Variants in NDRG4 observed in about 807,000 individuals in gnomAD.
NDRG4 encodes the protein NDRG family member 4.
Under a neutral mutation model 55.8 loss-of-function variants are expected in NDRG4, and 38 were observed. The ratio of observed to expected loss-of-function variants is 0.68; its 90% CI spans 0.53 to 0.89. The LOEUF (loss-of-function observed/expected upper bound fraction) is 0.89, where lower values mean the gene tolerates loss of function less well. Ranked by LOEUF, NDRG4 falls within the 40% of genes least tolerant of loss-of-function variation. The probability of loss-of-function intolerance (pLI) is 0.00; values close to 1 mark genes in which losing one functional copy is unlikely to be tolerated. For missense variants in NDRG4, 455 were observed against 468.6 expected (o/e 0.97, Z 0.27); for synonymous variants, 190 against 182.7 (o/e 1.04, Z -0.32).
At chr16:58,484,441 A>G (rs1289427949) in intron 1 of NDRG4, among the ~76,000 whole-genome samples, 1 of 152,224 alleles carries the variant, frequency 6.6e-6, no homozygotes. Flanking sequence ...ACATGCTCTC[A>G]TATTGCAAAT....
At chr16:58,466,487 C>T (rs942822850) in intron 1 of NDRG4, among the ~76,000 whole-genome samples, 1 of 152,210 alleles carries the variant, frequency 6.6e-6, no homozygotes, top group African/African-American at 2.4e-5. Flanking sequence ...TCTCTCATCT[C>T]CTGGATAGAG....
Position 58,506,133 on chromosome 16 carries a change from C to CGTGTGTGTGTGTGTGTGTGT in NDRG4, c.373-249_373-230dup, listed in dbSNP as rs113481456. 9.3e-3 allele frequency: 5,017 copies of CGTGTGTGTGTGTGTGTGTGT among 538,942 alleles called. 99 individuals are homozygous for CGTGTGTGTGTGTGTGTGTGT. The highest frequency in any genetic ancestry group is 0.018 in the African/African-American group (820 of 44,972). The allele number at this position is 538,942 out of a possible 1,614,324, so 33.4% of individuals were successfully genotyped here. On this transcript the variant is annotated intron_variant, in intron 5 of 14. Coordinates refer to ENST00000570248, the MANE Select transcript of NDRG4 (RefSeq NM_001242835.2). Reference sequence around the variant, plus strand: ...TTAAGAGCTGATTCTGTTGAAAGAGCGTGTGTGTGTGTGTGTGTGTGTGTC... The same window carrying CGTGTGTGTGTGTGTGTGTGT: ...TTAAGAGCTGATTCTGTTGAAAGAGCGTGTGTGTGTGTGTGTGTGTGTGTGTGTGTGTGTGTGTGTGTGTC...
chr16:58,509,926 GTA>G (rs2038567964), intron 13 of NDRG4, among the ~76,000 whole-genome samples: 1 of 150,292 alleles, frequency 6.7e-6, no homozygotes, highest in Non-Finnish European at 1.5e-5. Flanking sequence ...GTGGAACCAG[GTA>G]CACACACACA....
Position 58,464,478 on chromosome 16 carries a change from C to T in NDRG4, c.-24+681C>T. On this transcript the variant is annotated intron_variant, in intron 1 of 15. Coordinates refer to the NDRG4 transcript ENST00000258187. This position sits in a 1 kb window ranked among gnomAD's most constrained non-coding sequence, Gnocchi z 4.8. ...TGGAGCTGCTCACAGGTACCGCCCGCCTGCCCCGCAGCCGGCCGCCACTTT... is the reference window on the plus strand; with the variant it reads ...TGGAGCTGCTCACAGGTACCGCCCGTCTGCCCCGCAGCCGGCCGCCACTTT... The T allele has an allele frequency of 7.6e-7, 1 of 1,316,486 alleles. No homozygotes were observed. The highest frequency in any genetic ancestry group is 9.7e-7 in the Non-Finnish European group (1 of 1,031,956). The allele number at this position is 1,316,486 out of a possible 1,614,324, so 81.6% of individuals were successfully genotyped here.
chr16:58,513,607 C>CCTTATGTGCTCATGTCTG (rs2039016566), exon 15 of NDRG4: 1 of 151,060 alleles, frequency 6.6e-6, no homozygotes. Context: ...ACATTAAAAG[C>CCTTATGTGCTCATGTCTG]CTTATGTGCT....
chr16:58,484,983 G>A lies in NDRG4; in HGVS notation c.-23-2773G>A, dbSNP rs564604123. Among the ~76,000 whole-genome samples, 131 of 149,468 alleles carry A rather than the reference G, an allele frequency of 8.8e-4. 2 individuals are homozygous for A. Among genetic ancestry groups the A allele is most frequent in the African/African-American group, 3.1e-3 (127 of 40,478 alleles). ...TGCAAGCTCTGCCTCCCAGGTTCAC[G>A]CCATTCTCCTGCCTCAGCCTCCCGA... On this transcript the variant is annotated intron_variant, in intron 1 of 15. Transcript: ENST00000258187.
At chr16:58,505,071 CATT>C (rs1404652460) in intron 5 of NDRG4, among the ~76,000 whole-genome samples, 2 of 152,124 alleles carry the variant, frequency 1.3e-5, no homozygotes, top group Non-Finnish European at 1.5e-5. Context: ...TCAAAAACAT[CATT>C]GTCGGTGGCT....
At chr16:58,500,645 T>C (rs373760936) in intron 1 of NDRG4, 2 of 479,220 alleles carry the variant, frequency 4.2e-6, no homozygotes, top group East Asian at 3.8e-5. Flanking sequence ...GGTGTGCGCT[T>C]GGATGGTGTC....
chr16:58,500,468 C>T, intron 1 of NDRG4, 199 bp downstream of exon 1: 1 of 672,620 alleles, frequency 1.5e-6, no homozygotes, highest in Non-Finnish European at 2.4e-6. Flanking sequence ...TGGCTGGGGG[C>T]AGCTGCTAGT....
intron 1 of NDRG4, 27 bp from the exon 2 acceptor site, chr16:58,503,771 G>C: frequency 7.4e-6 from 12 of 1,613,496 alleles, no homozygotes; most frequent in Non-Finnish European, 1.0e-5. Flanking sequence ...GCTGCCCAGA[G>C]TGTCCAGCAC....
intron 1 of NDRG4, among the ~76,000 whole-genome samples, chr16:58,478,315 G>A (rs1258525452): frequency 2.0e-5 from 3 of 152,010 alleles, no homozygotes; most frequent in South Asian, 4.1e-4. Context: ...CTTGAACGTG[G>A]GAGGCAGAGG....
At chr16:58,473,587 T>C (rs944067719) in intron 1 of NDRG4, among the ~76,000 whole-genome samples, 5 of 152,090 alleles carry the variant, frequency 3.3e-5, no homozygotes, top group African/African-American at 1.2e-4. Context: ...AAATGATAGC[T>C]CTATCCTTCC....
chr16:58,504,955 C>G (rs951572462), intron 5 of NDRG4, among the ~76,000 whole-genome samples: 1 of 152,156 alleles, frequency 6.6e-6, no homozygotes, highest in Non-Finnish European at 1.5e-5. Context: ...ACTGCTCTAG[C>G]CACTAAATAA....
At chr16:58,486,088 G>A (rs2035049661) in intron 1 of NDRG4, among the ~76,000 whole-genome samples, 1 of 152,110 alleles carries the variant, frequency 6.6e-6, no homozygotes, top group East Asian at 1.9e-4. Context: ...CATATAAGAA[G>A]GTGCCTGTTT....
intron 2 of NDRG4, among the ~76,000 whole-genome samples, chr16:58,493,736 A>G (rs531174838): frequency 1.5e-4 from 23 of 152,338 alleles, no homozygotes; most frequent in Admixed American, 3.3e-4. Flanking sequence ...AGAGCGGGGC[A>G]GAGAGGTTTC....
intron 2 of NDRG4, among the ~76,000 whole-genome samples, chr16:58,488,712 T>C (rs1168937578): frequency 6.6e-6 from 1 of 152,134 alleles, no homozygotes; most frequent in Non-Finnish European, 1.5e-5. Flanking sequence ...ATTGGAACTG[T>C]GCAGCCAGCC....
upstream of NDRG4, chr16:58,499,880 T>A: frequency 2.4e-6 from 1 of 409,256 alleles, no homozygotes. Context: ...CTGCAGCTGT[T>A]GGCGTGTGCC....
intron 1 of NDRG4, among the ~76,000 whole-genome samples, chr16:58,474,441 C>A (rs116756313): frequency 6.6e-6 from 1 of 152,140 alleles, no homozygotes; most frequent in African/African-American, 2.4e-5. Flanking sequence ...GTGCCCTTCC[C>A]GGACATCCCA....
chr16:58,506,144 G>GTGTGTGTGTGTGTGTGTA, intron 5 of NDRG4: 1 of 642,952 alleles, frequency 1.6e-6, no homozygotes, highest in Non-Finnish European at 2.8e-6. Flanking sequence ...GTGTGTGTGT[G>GTGTGTGTGTGTGTGTGTA]TGTGTGTGTG....
Sources: gnomAD v4.1 joint callset for allele counts (sites outside exome capture counted in the v4.1 genomes callset) on GRCh38, gnomAD v4.1.1 for gene constraint, Gnocchi (gnomAD v3.1) non-coding constraint, MANE v1.5 for transcripts, NCBI Gene and HGNC (gene_info 2026-07-23, HGNC 2026-07-21) for gene names.